C3orf20: variants seen among roughly 807,000 people sequenced by gnomAD.
C3orf20 encodes family with sequence similarity 149 member C.
A neutral mutation model predicts 88.3 loss-of-function variants in C3orf20; 76 were observed. The observed-to-expected ratio is 0.86, with a 90% CI of 0.72 to 1.04. C3orf20 has a LOEUF of 1.04. Among genes scored for constraint, C3orf20 ranks in the 50% least tolerant of loss-of-function variants. C3orf20 has a pLI of 0.00. For synonymous variants in C3orf20, 436 were observed against 437.4 expected, an observed-to-expected ratio of 1.00 and a Z score of 0.04; for missense variants, 1,056 against 1,123.3, an observed-to-expected ratio of 0.94 and a Z score of 0.86.
chr3:14,728,730 T>C (rs2034445500), intron 12 of C3orf20, 42 bp downstream of exon 12: 1 of 1,596,206 alleles, frequency 6.3e-7, no homozygotes, highest in South Asian at 1.1e-5. Context: ...TCGGGTGTTG[T>C]GATGGGCAGT....
At chr3:14,698,963 G>C (rs752914021) in intron 5 of C3orf20, among the ~76,000 whole-genome samples, 5 of 152,064 alleles carry the variant, frequency 3.3e-5, no homozygotes, top group Non-Finnish European at 7.4e-5. Flanking sequence ...TTGTACTGTG[G>C]CTGAGCTGGC....
intron 5 of C3orf20, among the ~76,000 whole-genome samples, 170 bp from the exon 6 acceptor site, chr3:14,702,960 A>G (rs1262617996): frequency 2.0e-5 from 3 of 152,226 alleles, no homozygotes; most frequent in Non-Finnish European, 4.4e-5. Context: ...AAAAATGGCC[A>G]AAACAAAGGG....
At chr3:14,754,427 G>T (rs1343101481) in intron 12 of C3orf20, among the ~76,000 whole-genome samples, 1 of 152,212 alleles carries the variant, frequency 6.6e-6, no homozygotes, top group Non-Finnish European at 1.5e-5. Context: ...AGGAACAGGG[G>T]CTGTCATTCC....
intron 4 of C3orf20, among the ~76,000 whole-genome samples, chr3:14,686,798 CCTAA>C (rs1467535188): frequency 2.6e-5 from 4 of 152,196 alleles, no homozygotes; most frequent in Non-Finnish European, 4.4e-5. Flanking sequence ...AATTCTATCT[CCTAA>C]CTATTTGCTG....
At chr3:14,755,961 G>A (rs1252342180) in intron 12 of C3orf20, among the ~76,000 whole-genome samples, 7 of 149,408 alleles carry the variant, frequency 4.7e-5, no homozygotes, top group South Asian at 4.3e-4. Context: ...CCCGGGAGGC[G>A]GAGCTTACAG....
intron 9 of C3orf20, among the ~76,000 whole-genome samples, chr3:14,719,942 C>CA (rs2034086723): frequency 6.6e-6 from 1 of 152,184 alleles, no homozygotes; most frequent in Admixed American, 6.5e-5. Context: ...CTTGAGCTCC[C>CA]AACCGTGGCT....
chr3:14,693,992 T>C (rs952847495), intron 5 of C3orf20, among the ~76,000 whole-genome samples: 10 of 152,320 alleles, frequency 6.6e-5, no homozygotes, highest in Admixed American at 5.2e-4. Context: ...ATGTATCACA[T>C]TGATTGATTT....
In C3orf20 at chr3:14,705,494, T is replaced by C. The variant is rs191422121; in HGVS notation, c.1160+876T>C. ...AATGAAGTTAATAGACCATTTGTAC[T>C]TCAGAGGGAGCAACTGTAATTGCTT... is the stretch of plus-strand genomic sequence containing the variant. On this transcript the variant is annotated intron_variant, in intron 7 of 16. Transcript: ENST00000253697. 3.3e-5 allele frequency among the ~76,000 whole-genome samples: 5 copies of C among 152,340 alleles called. No individual in the cohort carries two copies. The East Asian group carries it at 9.6e-4, about 29-fold the overall frequency.
At chr3:14,725,997 C>T (rs773557455) in intron 10 of C3orf20, among the ~76,000 whole-genome samples, 4 of 152,234 alleles carry the variant, frequency 2.6e-5, no homozygotes, top group South Asian at 2.1e-4. Flanking sequence ...AGAGAAAGAC[C>T]GAATATAAAT....
At chr3:14,746,272 G>A (rs1295622351) in intron 12 of C3orf20, among the ~76,000 whole-genome samples, 1 of 152,210 alleles carries the variant, frequency 6.6e-6, no homozygotes, top group East Asian at 1.9e-4. Flanking sequence ...CTTGGTGCTA[G>A]CAAAGTTTTG....
intron 14 of C3orf20, 81 bp from the exon 15 acceptor site, chr3:14,761,392 T>C: frequency 1.3e-6 from 2 of 1,551,330 alleles, no homozygotes; most frequent in Non-Finnish European, 1.8e-6. Context: ...TCTAGTGAAA[T>C]TCCAAACTTG....
In C3orf20 at chr3:14,772,889, G is replaced by A; in HGVS notation, c.*14G>A. The stretch of plus-strand genomic sequence containing the variant: ...TCCAAGAAGTAGCGCCATCCTGGCA[G>A]CAGCCAAGTGAGCCAGGCCCCGGCC... On this transcript the variant is annotated 3_prime_UTR_variant, in exon 17 of 17. Coordinates refer to ENST00000253697, the MANE Select transcript of C3orf20 (RefSeq NM_032137.5). This position sits in a 1 kb window ranked among gnomAD's most constrained non-coding sequence, Gnocchi z 4.2. The A allele has an allele frequency of 1.2e-6, 2 of 1,608,392 alleles. No individual in the cohort carries two copies. Among genetic ancestry groups the A allele is most frequent in the Non-Finnish European group, 1.7e-6 (2 of 1,175,240 alleles).
In C3orf20 at chr3:14,690,191, G is replaced by A. The variant is rs1250278795; in HGVS notation, c.745+75G>A. 9 of 1,592,998 alleles carry A rather than the reference G, an allele frequency of 5.6e-6. No individual in the cohort carries two copies. In the East Asian group the frequency reaches 1.8e-4, roughly 32 times the overall value. On this transcript the variant is annotated intron_variant, in intron 5 of 16. Transcript: ENST00000253697. ...TGGGGGATAGGTTTCCGTCTACCCTGTGTAGGTTGGTGGGATGGTTTGATT... is the reference window on the plus strand; with the variant it reads ...TGGGGGATAGGTTTCCGTCTACCCTATGTAGGTTGGTGGGATGGTTTGATT...
chr3:14,714,268 G>A (rs1313293166), intron 8 of C3orf20, 109 bp downstream of exon 8: 6 of 1,259,242 alleles, frequency 4.8e-6, no homozygotes, highest in Admixed American at 4.2e-5. Flanking sequence ...GCCAGGCGGT[G>A]TCCAGAGATC....
chr3:14,728,437 A>G lies in C3orf20; in HGVS notation c.1691-2A>G. On this transcript the variant is annotated splice_acceptor_variant, in intron 11 of 16. Coordinates refer to ENST00000253697, the MANE Select transcript of C3orf20 (RefSeq NM_032137.5). LOFTEE classifies it high-confidence loss of function. Reference sequence around the variant, plus strand: ...AATGACAGCAGCATCTTCTGTTAACAGGTCTGTTTACCATTGAATATCCCA... The same window carrying G: ...AATGACAGCAGCATCTTCTGTTAACGGGTCTGTTTACCATTGAATATCCCA... The G allele has an allele frequency of 6.2e-7, 1 of 1,614,028 alleles. No homozygotes were observed. Among genetic ancestry groups the G allele is most frequent in the Non-Finnish European group, 8.5e-7 (1 of 1,179,916 alleles).
At chr3:14,735,172 C>A (rs1255819712) in intron 12 of C3orf20, among the ~76,000 whole-genome samples, 5 of 151,386 alleles carry the variant, frequency 3.3e-5, no homozygotes, top group Non-Finnish European at 7.4e-5. Flanking sequence ...AGTATTTAAT[C>A]TTTTTACATT....
At chr3:14,721,489 T>C (rs970731734) in intron 9 of C3orf20, among the ~76,000 whole-genome samples, 164 bp from the exon 10 acceptor site, 5 of 152,210 alleles carry the variant, frequency 3.3e-5, no homozygotes, top group Non-Finnish European at 7.3e-5. Context: ...ACCTGGAATT[T>C]TTCTGTCTTC....
rs924888170 is a variant in C3orf20, at chr3:14,684,373, T to C, written c.616T>C (p.Leu206=). ...GAGAAGTGGCTACAGCAGCGGACAG[T>C]TGTGGAAAGGTGGGTACCTGAGCTT... The part of the protein sequence containing the change: ...AGRSGYSSGQ[L]WKESLANMSA... The change falls in exon 4 of 17, where the codon TTG becomes CTG. Residue 206 remains leucine (L), a synonymous_variant. Transcript: ENST00000253697. The C allele has an allele frequency of 1.2e-6, 2 of 1,613,652 alleles. No individual in the cohort carries two copies. Among genetic ancestry groups the C allele is most frequent in the African/African-American group, 1.3e-5 (1 of 74,940 alleles).
At chr3:14,752,093 T>C (rs2035235833) in intron 12 of C3orf20, among the ~76,000 whole-genome samples, 1 of 152,174 alleles carries the variant, frequency 6.6e-6, no homozygotes, top group African/African-American at 2.4e-5. Flanking sequence ...ACTACAAGGC[T>C]ACAGTAACCA....
Sources: allele counts gnomAD v4.1 joint callset (sites outside exome capture counted in the v4.1 genomes callset), GRCh38; gene constraint gnomAD v4.1.1; non-coding constraint Gnocchi (gnomAD v3.1); transcripts MANE v1.5; gene names NCBI Gene and HGNC (gene_info 2026-07-23, HGNC 2026-07-21).